Variants in PCDH15 observed in about 807,000 individuals in gnomAD.
PCDH15 encodes the protein protocadherin-15.
Under a neutral mutation model 178.5 loss-of-function variants are expected in PCDH15, and 129 were observed. That is an observed-to-expected ratio of 0.72 (90% CI 0.63 to 0.84). The LOEUF (loss-of-function observed/expected upper bound fraction) is 0.84. PCDH15 is among the 40% of genes least tolerant of loss of function. The pLI is 0.00. For missense variants in PCDH15, 2,230 were observed against 2,099.9 expected, an observed-to-expected ratio of 1.06 and a Z score of -1.21; for synonymous variants, 800 against 732.0, an observed-to-expected ratio of 1.09 and a Z score of -1.50.
chr10:54,542,456 C>A (rs1466701917), intron 2 of PCDH15, among the ~76,000 whole-genome samples: 1 of 152,018 alleles, frequency 6.6e-6, no homozygotes, highest in Admixed American at 6.6e-5. Flanking sequence ...AGGTGAATAT[C>A]CAAGGGTGGA....
chr10:54,445,764 C>A (rs1436448408), intron 3 of PCDH15, among the ~76,000 whole-genome samples: 2 of 151,372 alleles, frequency 1.3e-5, no homozygotes, highest in East Asian at 1.9e-4. Flanking sequence ...AACCTATGCA[C>A]CTGGTGTCTA....
intron 21 of PCDH15, among the ~76,000 whole-genome samples, chr10:53,987,564 A>G (rs2134728690): frequency 6.6e-6 from 1 of 152,338 alleles, no homozygotes; most frequent in East Asian, 1.9e-4. Flanking sequence ...TCTTCAAAGA[A>G]AATATAATGA....
chr10:55,449,370 A>C lies in PCDH15; in HGVS notation c.-156+178255T>G, dbSNP rs1015714424. Reference sequence around the variant, plus strand: ...AGTACCCCAGAAACCTAAGCTGGACAGAATTTAACATAACAAATCATAGGA... The same window carrying C: ...AGTACCCCAGAAACCTAAGCTGGACCGAATTTAACATAACAAATCATAGGA... On this transcript the variant is annotated intron_variant, in intron 2 of 5. Coordinates refer to the PCDH15 transcript ENST00000613346. Among the ~76,000 whole-genome samples the C allele has an allele frequency of 1.2e-4, 18 of 152,242 alleles. No individual in the cohort carries two copies. The South Asian group carries it at 3.5e-3, about 30-fold the overall frequency.
At chr10:54,766,940 A>AAAC (rs200853752) in intron 1 of PCDH15, among the ~76,000 whole-genome samples, 179 of 151,780 alleles carry the variant, frequency 1.2e-3, no homozygotes, top group Non-Finnish European at 1.7e-3. Flanking sequence ...AAAAAAACAA[A>AAAC]AAAAAAAATC....
chr10:54,633,771 C>T (rs1407429358), intron 2 of PCDH15, among the ~76,000 whole-genome samples: 1 of 152,048 alleles, frequency 6.6e-6, no homozygotes, highest in Non-Finnish European at 1.5e-5. Context: ...CAATTACGCC[C>T]CAACCCAATG....
chr10:55,198,729 C>T (rs746598305), intron 1 of PCDH15, among the ~76,000 whole-genome samples: 18 of 151,836 alleles, frequency 1.2e-4, no homozygotes, highest in East Asian at 2.0e-4. Context: ...CGCATCTGCC[C>T]GCCTCGGCAT....
At chr10:55,377,286 A>C (rs909697260) in intron 2 of PCDH15, among the ~76,000 whole-genome samples, 2 of 151,952 alleles carry the variant, frequency 1.3e-5, no homozygotes, top group African/African-American at 4.8e-5. Context: ...TTGACTTGCT[A>C]TATGTCATAA....
intron 1 of PCDH15, among the ~76,000 whole-genome samples, chr10:54,769,336 T>TA (rs1233872938): frequency 2.1e-5 from 3 of 146,172 alleles, no homozygotes; most frequent in South Asian, 2.2e-4. Flanking sequence ...TTTTTTTTTT[T>TA]AAATCTCCCA....
chr10:54,822,879 A>ATATT (rs1270366932), intron 3 of PCDH15, among the ~76,000 whole-genome samples: 1 of 151,582 alleles, frequency 6.6e-6, no homozygotes, highest in Non-Finnish European at 1.5e-5. Flanking sequence ...TTAATATAAT[A>ATATT]TATTTATTTA....
intron 3 of PCDH15, among the ~76,000 whole-genome samples, chr10:54,815,517 T>C (rs1372188857): frequency 1.3e-5 from 2 of 152,148 alleles, no homozygotes; most frequent in Non-Finnish European, 2.9e-5. Flanking sequence ...TAAAACACAA[T>C]GTGAGGTGGA....
chr10:54,760,971 G>T (rs191008914), intron 1 of PCDH15, among the ~76,000 whole-genome samples: 28 of 152,122 alleles, frequency 1.8e-4, no homozygotes, highest in Admixed American at 1.4e-3. Context: ...ATACAATATA[G>T]TTCAACTATA....
intron 1 of PCDH15, among the ~76,000 whole-genome samples, chr10:54,744,661 A>T (rs574398749): frequency 6.6e-6 from 1 of 152,198 alleles, no homozygotes; most frequent in Admixed American, 6.5e-5. Context: ...GGAGGTGGTG[A>T]AAAGATAATT....
chr10:55,577,424 T>C (rs1842518171), intron 2 of PCDH15, among the ~76,000 whole-genome samples: 1 of 152,178 alleles, frequency 6.6e-6, no homozygotes, highest in African/African-American at 2.4e-5. Flanking sequence ...TACTAAATTC[T>C]GTGGAGATAC....
intron 1 of PCDH15, among the ~76,000 whole-genome samples, chr10:54,701,746 A>C (rs1231555641): frequency 2.0e-5 from 3 of 152,118 alleles, no homozygotes; most frequent in Non-Finnish European, 4.4e-5. Context: ...ATTCAACAAG[A>C]AATCCCAGCT....
chr10:55,496,544 C>T (rs765518816), intron 2 of PCDH15, among the ~76,000 whole-genome samples: 1 of 151,750 alleles, frequency 6.6e-6, no homozygotes, highest in Non-Finnish European at 1.5e-5. Flanking sequence ...ATAGGAACCA[C>T]GTTTTTAATG....
chr10:55,518,525 G>C (rs955610918), intron 2 of PCDH15, among the ~76,000 whole-genome samples: 6 of 151,940 alleles, frequency 3.9e-5, no homozygotes, highest in Admixed American at 1.3e-4. Context: ...GACAGCTGGG[G>C]CACAGAGGGA....
chr10:54,829,400 T>C (rs1953185178), intron 3 of PCDH15, among the ~76,000 whole-genome samples: 1 of 152,060 alleles, frequency 6.6e-6, no homozygotes, highest in Non-Finnish European at 1.5e-5. Context: ...GTAAGTATTT[T>C]ATGATTGCAT....
intron 3 of PCDH15, among the ~76,000 whole-genome samples, chr10:54,516,060 A>G (rs543699369): frequency 1.3e-5 from 2 of 152,354 alleles, no homozygotes; most frequent in Admixed American, 6.5e-5. Context: ...AACAGAGCAG[A>G]AAAACTGGAA....
At chr10:55,047,264 T>C (rs1417066284) in intron 2 of PCDH15, among the ~76,000 whole-genome samples, 3 of 151,830 alleles carry the variant, frequency 2.0e-5, no homozygotes, top group Middle Eastern at 3.2e-3. Context: ...GAAACAGACA[T>C]AAATACAAAA....
Sources: allele counts gnomAD v4.1 joint callset (sites outside exome capture counted in the v4.1 genomes callset), GRCh38; gene constraint gnomAD v4.1.1; transcripts MANE v1.5; gene names NCBI Gene and HGNC (gene_info 2026-07-23, HGNC 2026-07-21).